Variants in MFHAS1 observed in about 807,000 individuals in gnomAD.
MFHAS1 encodes the protein malignant fibrous histiocytoma-amplified sequence 1.
In MFHAS1, 50 loss-of-function variants were observed where a neutral mutation model predicts 70.4. That is an observed-to-expected ratio of 0.71 (90% CI 0.57 to 0.90). MFHAS1 has a LOEUF of 0.90. Among genes scored for constraint, MFHAS1 ranks in the 40% least tolerant of loss-of-function variants. The pLI, the probability that MFHAS1 is intolerant of heterozygous loss-of-function variation, is 0.00. For synonymous variants in MFHAS1, 952 were observed against 620.0 expected, an observed-to-expected ratio of 1.54 and a Z score of -7.96; for missense variants, 1,795 against 1,347.6, an observed-to-expected ratio of 1.33 and a Z score of -5.20.
Position 8,892,918 on chromosome 8 carries a change from C to CGCGTCG in MFHAS1, c.135_140dup (p.Asp46_Ala47dup). On this transcript the variant is annotated inframe_insertion, in exon 1 of 3. Transcript: ENST00000276282. The surrounding 1 kb of genome is among the most constrained non-coding windows in gnomAD (Gnocchi z 4.7). ...GCTGGGGGGAGGCGGGGGACTCGAGCGCGTCGGCCCCGGCCCCGGGGCAGG... is the reference window on the plus strand; with the variant it reads ...GCTGGGGGGAGGCGGGGGACTCGAGCGCGTCGGCGTCGGCCCCGGCCCCGGGGCAGG... 1.3e-6 allele frequency: 2 copies of CGCGTCG among 1,556,716 alleles called. No homozygotes were observed. Among genetic ancestry groups the CGCGTCG allele is most frequent in the South Asian group, 2.4e-5 (2 of 84,238 alleles).
chr8:8,891,909 C>T lies in MFHAS1; in HGVS notation c.1150G>A (p.Val384Ile). 6.2e-7 allele frequency: 1 copy of T among 1,610,594 alleles called. No homozygotes were observed. The highest frequency in any genetic ancestry group is 8.5e-7 in the Non-Finnish European group (1 of 1,178,160). Residue 384 changes from valine (V) to isoleucine (I), a missense_variant, in exon 1 of 3, where the codon GTC becomes ATC. Physicochemically the swap from Val to Ile is conservative, Grantham distance 29. Transcript: ENST00000276282. The surrounding 1 kb of genome is among the most constrained non-coding windows in gnomAD (Gnocchi z 5.4). ...ATGTAGGGGATCCCCTTCATGCAGA[C>T]CTCGTAGGGGGGCTGGATCAGTGGG... is the stretch of plus-strand genomic sequence containing the variant. ...DNPLIQPPYEVCMKGIPYIAA... is the reference protein window; with the variant it reads ...DNPLIQPPYEICMKGIPYIAA...
intron 1 of MFHAS1, among the ~76,000 whole-genome samples, chr8:8,802,252 G>A (rs1429133159): frequency 1.3e-5 from 2 of 152,160 alleles, no homozygotes; most frequent in Admixed American, 6.5e-5. Context: ...ACAGGAAGAA[G>A]TGGCTGTGCT....
intron 1 of MFHAS1, among the ~76,000 whole-genome samples, chr8:8,889,396 T>C (rs571772887): frequency 1.3e-5 from 2 of 152,222 alleles, no homozygotes; most frequent in Non-Finnish European, 2.9e-5. Flanking sequence ...ACTCATCCAT[T>C]GTTCACTCCA....
chr8:8,878,646 T>C lies in MFHAS1; in HGVS notation c.2998+11415A>G, dbSNP rs1016858697. ...ATGTTTTCCCTTTCCATTGCGTTTT[T>C]AAAAATTCCTTCTTTTCAAAAAAAG... On this transcript the variant is annotated intron_variant, in intron 1 of 2. Transcript: ENST00000276282. Among the ~76,000 whole-genome samples the C allele has an allele frequency of 4.7e-5, 7 of 150,358 alleles. No homozygotes were observed. The East Asian group carries it at 1.4e-3, about 29-fold the overall frequency.
intron 1 of MFHAS1, among the ~76,000 whole-genome samples, chr8:8,800,896 G>A (rs1318781776): frequency 3.9e-5 from 6 of 152,006 alleles, no homozygotes; most frequent in African/African-American, 1.2e-4. Flanking sequence ...CACAGCTTTC[G>A]GTGGTCAGAT....
intron 1 of MFHAS1, among the ~76,000 whole-genome samples, chr8:8,861,777 T>C (rs1352567891): frequency 1.3e-5 from 2 of 152,194 alleles, no homozygotes; most frequent in African/African-American, 4.8e-5. Flanking sequence ...TCTGACAGTG[T>C]ATCAGTTTTG....
At chr8:8,793,215 C>A (rs1805778697) in intron 2 of MFHAS1, among the ~76,000 whole-genome samples, 1 of 152,056 alleles carries the variant, frequency 6.6e-6, no homozygotes, top group African/African-American at 2.4e-5. Context: ...TATTCTCTGT[C>A]TCTCCCCATG....
rs761784427 is a variant in MFHAS1 at position 8,892,949 on chromosome 8, G to T, written c.110C>A (p.Ala37Asp). ...SNLRQLTLTAAGACPGAGADA... is the reference protein window; with the variant it reads ...SNLRQLTLTADGACPGAGADA... ...GGCCCCGGCCCCGGGGCAGGCCCCG[G>T]CGGCGGTAAGCGTGAGCTGGCGCAG... The change falls in exon 1 of 3, where the codon GCC (alanine) becomes GAC (aspartate). Residue 37 changes from alanine (A) to aspartate (D), a missense_variant. Physicochemically the swap from Ala to Asp is moderately radical, Grantham distance 126. Coordinates refer to ENST00000276282, the MANE Select transcript of MFHAS1 (RefSeq NM_004225.3). This position sits in a 1 kb window ranked among gnomAD's most constrained non-coding sequence, Gnocchi z 4.7. The T allele has an allele frequency of 4.3e-5, 67 of 1,545,548 alleles. No homozygotes were observed. Among genetic ancestry groups the T allele is most frequent in the Non-Finnish European group, 5.6e-5 (64 of 1,148,348 alleles).
chr8:8,803,307 G>A (rs1482132671), intron 1 of MFHAS1, among the ~76,000 whole-genome samples: 1 of 151,560 alleles, frequency 6.6e-6, no homozygotes, highest in African/African-American at 2.4e-5. Context: ...TTGAGGTCAG[G>A]AGTTCAAGAC....
Position 8,893,620 on chromosome 8 carries a change from T to A in MFHAS1, c.-562A>T, listed in dbSNP as rs1466882160. 6.9e-6 allele frequency: 1 copy of A among 145,458 alleles called. No homozygotes were observed. The highest frequency in any genetic ancestry group is 1.5e-5 in the Non-Finnish European group (1 of 65,426). 9.0% of individuals were successfully genotyped at this position (145,458 alleles called of 1,614,324 possible). On this transcript the variant is annotated 5_prime_UTR_variant, in exon 1 of 3. Transcript: ENST00000276282. Reference sequence around the variant, plus strand: ...GTCCCCGGCGCTGGGAGGGCGCGATTGGGAAGCGGCAGCGCCGCCCGCCGG... The same window carrying A: ...GTCCCCGGCGCTGGGAGGGCGCGATAGGGAAGCGGCAGCGCCGCCCGCCGG...
At chr8:8,873,906 T>A (rs1187512291) in intron 1 of MFHAS1, among the ~76,000 whole-genome samples, 1 of 152,202 alleles carries the variant, frequency 6.6e-6, no homozygotes, top group Non-Finnish European at 1.5e-5. Flanking sequence ...CATGTACAAT[T>A]TGTAATTATT....
intron 2 of MFHAS1, among the ~76,000 whole-genome samples, chr8:8,796,016 G>A (rs1329889757): frequency 2.0e-5 from 3 of 152,170 alleles, no homozygotes; most frequent in Non-Finnish European, 2.9e-5. Context: ...ATCTGTGGCT[G>A]CTGCTTTTCA....
At chr8:8,839,546 C>T (rs1210221482) in intron 1 of MFHAS1, among the ~76,000 whole-genome samples, 1 of 152,214 alleles carries the variant, frequency 6.6e-6, no homozygotes, top group Non-Finnish European at 1.5e-5. Context: ...TAAGTAACCA[C>T]TTGCCTTAAC....
chr8:8,785,175 C>T lies in MFHAS1; in HGVS notation c.*847G>A, dbSNP rs1399210446. ...AAGTTTTGCATGGACTTTTTGTCCTCTTTGGCCCCTGAGTGTGCCCCATCT... is the reference window on the plus strand; with the variant it reads ...AAGTTTTGCATGGACTTTTTGTCCTTTTTGGCCCCTGAGTGTGCCCCATCT... On this transcript the variant is annotated 3_prime_UTR_variant, in exon 3 of 3. Transcript: ENST00000276282. 1 of 152,196 alleles carries T rather than the reference C, an allele frequency of 6.6e-6. No individual in the cohort carries two copies. Among genetic ancestry groups the T allele is most frequent in the Non-Finnish European group, 1.5e-5 (1 of 68,040 alleles). 9.4% of individuals were successfully genotyped at this position (152,196 alleles called of 1,614,324 possible). A position where few individuals can be genotyped will look rare whatever the true frequency, so the allele number is the denominator to read the frequency against.
intron 1 of MFHAS1, among the ~76,000 whole-genome samples, chr8:8,807,770 C>T (rs1269718470): frequency 6.6e-6 from 1 of 152,202 alleles, no homozygotes; most frequent in Non-Finnish European, 1.5e-5. Flanking sequence ...GCTAAAACTT[C>T]CGAGGTCAAT....
In MFHAS1 at chr8:8,783,509, A is replaced by C. The variant is rs571403242; in HGVS notation, c.*2513T>G. On this transcript the variant is annotated 3_prime_UTR_variant, in exon 3 of 3. Transcript: ENST00000276282. Reference sequence around the variant, plus strand: ...TTACACCAAACCCCTTTTCCTTTTTATTCATTCAAAAGAGAGTCCAATACA... The same window carrying C: ...TTACACCAAACCCCTTTTCCTTTTTCTTCATTCAAAAGAGAGTCCAATACA... 13 of 152,306 alleles carry C rather than the reference A, an allele frequency of 8.5e-5. No individual in the cohort carries two copies. The South Asian group carries it at 2.5e-3, about 29-fold the overall frequency. The allele number at this position is 152,306 out of a possible 1,614,324, so 9.4% of individuals were successfully genotyped here. A position where few individuals can be genotyped will look rare whatever the true frequency, so the allele number is the denominator to read the frequency against.
At chr8:8,857,009 G>C (rs866730776) in intron 1 of MFHAS1, among the ~76,000 whole-genome samples, 1 of 97,188 alleles carries the variant, frequency 1.0e-5, no homozygotes, top group Admixed American at 1.1e-4. Context: ...AAAAAAAAAA[G>C]AGGAGAGATA....
intron 1 of MFHAS1, among the ~76,000 whole-genome samples, chr8:8,866,919 G>A (rs1049882963): frequency 2.0e-5 from 3 of 152,124 alleles, no homozygotes; most frequent in Non-Finnish European, 4.4e-5. Context: ...TTTAGAGAAT[G>A]GGGAAATACA....
rs548797869 is a variant in MFHAS1 at position 8,792,637 on chromosome 8, A to C, written c.3125+4728T>G. 1.4e-4 allele frequency among the ~76,000 whole-genome samples: 22 copies of C among 152,232 alleles called. 1 individual carries two copies. The South Asian group carries it at 2.3e-3, about 16-fold the overall frequency. ...ATAACCAAAAAAACAAACCAAAAAAAACTTACTGACTGCATGAACTAGGTG... is the reference window on the plus strand; with the variant it reads ...ATAACCAAAAAAACAAACCAAAAAACACTTACTGACTGCATGAACTAGGTG... On this transcript the variant is annotated intron_variant, in intron 2 of 2. Coordinates refer to ENST00000276282, the MANE Select transcript of MFHAS1 (RefSeq NM_004225.3).
Sources: gnomAD v4.1 joint callset for allele counts (sites outside exome capture counted in the v4.1 genomes callset) on GRCh38, gnomAD v4.1.1 for gene constraint, Gnocchi (gnomAD v3.1) non-coding constraint, MANE v1.5 for transcripts, NCBI Gene and HGNC (gene_info 2026-07-23, HGNC 2026-07-21) for gene names.